Variants in ROBO2 observed in about 807,000 individuals in gnomAD.
The protein encoded by ROBO2 is roundabout guidance receptor 2.
A neutral mutation model predicts 160.8 loss-of-function variants in ROBO2; 53 were observed. The ratio of observed to expected loss-of-function variants is 0.33; its 90% confidence interval spans 0.26 to 0.41. ROBO2 has a LOEUF of 0.41. Among genes scored for constraint, ROBO2 ranks in the 10% least tolerant of loss-of-function variants. The probability of loss-of-function intolerance (pLI) is 1.00; values close to 1 mark genes in which losing one functional copy is unlikely to be tolerated. For synonymous variants in ROBO2, 664 were observed against 611.7 expected (o/e 1.09, Z -1.26); for missense variants, 1,577 against 1,722.4 (o/e 0.92, Z 1.49).
At chr3:77,584,229 G>A (rs937214595) in intron 16 of ROBO2, among the ~76,000 whole-genome samples, 12 of 152,006 alleles carry the variant, frequency 7.9e-5, no homozygotes, top group African/African-American at 2.7e-4. Flanking sequence ...ATAAGATTGA[G>A]TTTTTTCAGC....
Position 77,602,690 on chromosome 3 carries a change from C to T in ROBO2, c.3136+199C>T, listed in dbSNP as rs1454882382. Among the ~76,000 whole-genome samples the T allele has an allele frequency of 9.4e-5, 14 of 149,320 alleles. 1 individual carries two copies. Among genetic ancestry groups the T allele is most frequent in the African/African-American group, 2.2e-4 (9 of 40,550 alleles). ...CCACCACCACCACCACCACCACCAC[C>T]GCCGCCGCCACCACCACCTCCTCCA... On this transcript the variant is annotated intron_variant, in intron 20 of 25. Coordinates refer to ENST00000461745, the Ensembl canonical transcript of ROBO2.
intron 2 of ROBO2, among the ~76,000 whole-genome samples, chr3:76,007,355 T>A (rs2066052351): frequency 6.6e-6 from 1 of 152,136 alleles, no homozygotes. Flanking sequence ...AAACACAGCT[T>A]CCAGGTAAAG....
upstream of ROBO2, among the ~76,000 whole-genome samples, chr3:77,036,470 T>C (rs573337663): frequency 5.9e-5 from 9 of 152,166 alleles, no homozygotes; most frequent in East Asian, 3.9e-4. Context: ...ATATTTAATA[T>C]GTTACACTCT....
chr3:76,021,655 A>T lies in ROBO2; in HGVS notation c.109+84053A>T, dbSNP rs562542287. On this transcript the variant is annotated intron_variant, in intron 2 of 26. Transcript: ENST00000487694. ...TTCATGTTTACATTACAATATAACC[A>T]GCTGAGTGTGCAATAGAAGTATGTC... is the stretch of plus-strand genomic sequence containing the variant. Among the ~76,000 whole-genome samples the T allele has an allele frequency of 7.2e-5, 11 of 152,012 alleles. No individual in the cohort carries two copies. The South Asian group carries it at 2.3e-3, about 31-fold the overall frequency.
intron 2 of ROBO2, among the ~76,000 whole-genome samples, chr3:76,952,867 T>A (rs2079039473): frequency 6.6e-6 from 1 of 152,336 alleles, no homozygotes; most frequent in South Asian, 2.1e-4. Flanking sequence ...TTGTATTTAA[T>A]GACTACAATT....
intron 2 of ROBO2, among the ~76,000 whole-genome samples, chr3:77,177,836 A>G (rs963981787): frequency 1.1e-4 from 17 of 152,040 alleles, no homozygotes; most frequent in African/African-American, 3.9e-4. Context: ...ATGTTTTCCA[A>G]TAAGTCAACA....
At chr3:76,871,548 C>G (rs981646886) in intron 2 of ROBO2, among the ~76,000 whole-genome samples, 2 of 136,026 alleles carry the variant, frequency 1.5e-5, no homozygotes, top group Non-Finnish European at 3.1e-5. Context: ...AGCGAGACTC[C>G]GTCTCAAAAA....
chr3:76,618,503 T>A (rs1287911964), intron 2 of ROBO2, among the ~76,000 whole-genome samples: 1 of 151,002 alleles, frequency 6.6e-6, no homozygotes, highest in Non-Finnish European at 1.5e-5. Flanking sequence ...AATTTTCTCA[T>A]CTCTCCTTAT....
chr3:76,004,552 C>T (rs2065970096), intron 2 of ROBO2, among the ~76,000 whole-genome samples: 1 of 152,166 alleles, frequency 6.6e-6, no homozygotes, highest in Admixed American at 6.5e-5. Flanking sequence ...GGTAATGACT[C>T]ACTTCCTGAT....
At chr3:75,914,771 T>C (rs1380915192) in intron 1 of ROBO2, among the ~76,000 whole-genome samples, 2 of 152,188 alleles carry the variant, frequency 1.3e-5, no homozygotes, top group Non-Finnish European at 2.9e-5. Context: ...GTTTCAGAGA[T>C]ACAGTAGTTG....
intron 21 of ROBO2, among the ~76,000 whole-genome samples, chr3:77,613,171 A>G (rs1406776452): frequency 6.6e-6 from 1 of 152,062 alleles, no homozygotes; most frequent in East Asian, 1.9e-4. Flanking sequence ...ATGTTTTCTT[A>G]GCACATGATG....
intron 2 of ROBO2, among the ~76,000 whole-genome samples, chr3:75,951,157 T>C (rs1442120617): frequency 2.6e-5 from 4 of 152,004 alleles, no homozygotes; most frequent in African/African-American, 4.8e-5. Flanking sequence ...ATCCCCCCTG[T>C]ATGCGTGTAT....
intron 2 of ROBO2, among the ~76,000 whole-genome samples, chr3:77,369,388 C>A (rs1468926075): frequency 6.6e-6 from 1 of 152,144 alleles, no homozygotes; most frequent in African/African-American, 2.4e-5. Flanking sequence ...GGGTGCCCCT[C>A]CTGTGTCACT....
At chr3:76,558,228 G>T (rs1010999371) in intron 2 of ROBO2, among the ~76,000 whole-genome samples, 5 of 151,952 alleles carry the variant, frequency 3.3e-5, no homozygotes, top group African/African-American at 1.2e-4. Context: ...CTTTCCTAGG[G>T]TCTTCTCTTC....
chr3:76,729,993 T>C (rs549348956), intron 2 of ROBO2, among the ~76,000 whole-genome samples: 4 of 152,158 alleles, frequency 2.6e-5, no homozygotes, highest in Admixed American at 6.5e-5. Flanking sequence ...GTTGATAGCC[T>C]GGTGTCTGAT....
chr3:76,016,118 CA>C (rs752171094), intron 2 of ROBO2, among the ~76,000 whole-genome samples: 11 of 151,938 alleles, frequency 7.2e-5, no homozygotes, highest in Non-Finnish European at 1.0e-4. Context: ...AATTATAATA[CA>C]AATAAAAATT....
At chr3:77,581,295 A>G (rs1313484657) in intron 16 of ROBO2, among the ~76,000 whole-genome samples, 2 of 152,116 alleles carry the variant, frequency 1.3e-5, no homozygotes, top group Non-Finnish European at 2.9e-5. Context: ...TAATAGTGTC[A>G]TTTGATGAAC....
At chr3:77,364,199 A>G (rs2070489351) in intron 2 of ROBO2, among the ~76,000 whole-genome samples, 1 of 151,966 alleles carries the variant, frequency 6.6e-6, no homozygotes, top group Non-Finnish European at 1.5e-5. Flanking sequence ...ATTTTCTGAT[A>G]TATTTGTTTA....
At chr3:75,977,084 AT>A (rs1354198825) in intron 2 of ROBO2, among the ~76,000 whole-genome samples, 1 of 151,582 alleles carries the variant, frequency 6.6e-6, no homozygotes, top group Admixed American at 6.6e-5. Flanking sequence ...GCAAAATAAT[AT>A]TTTTGTGCAT....
Sources: gnomAD v4.1 joint callset for allele counts (sites outside exome capture counted in the v4.1 genomes callset) on GRCh38, gnomAD v4.1.1 for gene constraint, MANE v1.5 for transcripts, NCBI Gene and HGNC (gene_info 2026-07-23, HGNC 2026-07-21) for gene names.